Variants in NUCB2 observed in about 807,000 individuals in gnomAD.
The protein encoded by NUCB2 is nucleobindin 2.
Under a neutral mutation model 57.9 loss-of-function variants are expected in NUCB2, and 48 were observed. The ratio of observed to expected loss-of-function variants is 0.83; its 90% CI spans 0.66 to 1.05. NUCB2 has a LOEUF of 1.05. Ranked by LOEUF, NUCB2 falls within the 50% of genes least tolerant of loss-of-function variation. The pLI is 0.00. For missense variants in NUCB2, 442 were observed against 476.2 expected (o/e 0.93, Z 0.67); for synonymous variants, 139 against 152.1 (o/e 0.91, Z 0.64).
intron 7 of NUCB2, 58 bp downstream of exon 7, chr11:17,311,068 G>A (rs1011598540): frequency 1.7e-5 from 25 of 1,458,464 alleles, no homozygotes; most frequent in Middle Eastern, 1.8e-4. Flanking sequence ...TCGTATCAGC[G>A]GATTTTTATT....
At chr11:17,293,298 T>C (rs992524314) in intron 2 of NUCB2, among the ~76,000 whole-genome samples, 2 of 147,984 alleles carry the variant, frequency 1.4e-5, no homozygotes, top group South Asian at 4.3e-4. Context: ...TGTTAGGACA[T>C]ACACACACAC....
intron 1 of NUCB2, among the ~76,000 whole-genome samples, chr11:17,282,256 A>ATTT (rs756983829): frequency 0.014 from 1,550 of 108,128 alleles, 30 homozygotes; most frequent in African/African-American, 0.045. Context: ...ATATATATAT[A>ATTT]TATTTTTTTT....
rs928686916 is a variant in NUCB2 at position 17,295,992 on chromosome 11, G to C, written c.145-112G>C. The C allele has an allele frequency of 5.5e-6, 3 of 541,746 alleles. No individual in the cohort carries two copies. The African/African-American group carries it at 5.8e-5, about 11-fold the overall frequency. The allele number at this position is 541,746 out of a possible 1,614,324, so 33.6% of individuals were successfully genotyped here. ...TTTTCACTTTGTTGAAACTATCAAA[G>C]TAAATATGTCTTAATGCCATTTTGC... On this transcript the variant is annotated intron_variant, in intron 3 of 13. Transcript: ENST00000529010.
At chr11:17,348,689 C>T (rs920915495) in intron 2 of NUCB2, among the ~76,000 whole-genome samples, 5 of 151,782 alleles carry the variant, frequency 3.3e-5, no homozygotes, top group South Asian at 4.2e-4. Context: ...TCGCTGAATT[C>T]GTCACTCCTA....
chr11:17,298,206 C>G (rs1259459702), intron 4 of NUCB2, among the ~76,000 whole-genome samples: 2 of 151,666 alleles, frequency 1.3e-5, no homozygotes, highest in Admixed American at 6.6e-5. Flanking sequence ...ATAGCGAGAC[C>G]CTGTCACTAC....
At chr11:17,339,832 T>C (rs1260805694) in intron 2 of NUCB2, among the ~76,000 whole-genome samples, 2 of 152,170 alleles carry the variant, frequency 1.3e-5, no homozygotes, top group East Asian at 1.9e-4. Context: ...TGTGTCTTTA[T>C]AGCAGCATGT....
chr11:17,304,455 A>G (rs2138710355), intron 5 of NUCB2, among the ~76,000 whole-genome samples: 1 of 152,310 alleles, frequency 6.6e-6, no homozygotes, highest in South Asian at 2.1e-4. Context: ...TGGCCTCCCA[A>G]AATGCTGGGA....
chr11:17,335,996 A>T (rs758207665), downstream of NUCB2, among the ~76,000 whole-genome samples: 26 of 152,224 alleles, frequency 1.7e-4, no homozygotes, highest in Admixed American at 3.9e-4. Flanking sequence ...TTTATAATAT[A>T]CTTAAGTAGA....
chr11:17,327,095 C>T (rs968707828), intron 11 of NUCB2, among the ~76,000 whole-genome samples: 1 of 152,182 alleles, frequency 6.6e-6, no homozygotes, highest in Non-Finnish European at 1.5e-5. Context: ...GAGTCTTGCT[C>T]TGTTACCCAG....
At chr11:17,315,059 A>T (rs1196168876) in intron 10 of NUCB2, among the ~76,000 whole-genome samples, 5 of 152,178 alleles carry the variant, frequency 3.3e-5, no homozygotes, top group Non-Finnish European at 7.3e-5. Flanking sequence ...GGGATTATAC[A>T]TATTATGGTA....
chr11:17,303,611 A>G lies in NUCB2; in HGVS notation c.379+1741A>G, dbSNP rs376136441. On this transcript the variant is annotated intron_variant, in intron 5 of 13. Coordinates refer to ENST00000529010, the MANE Select transcript of NUCB2 (RefSeq NM_005013.4). ...ATATCTTAAAGTTATCTTGCTGGGC[A>G]TGATGGCTCACGCCTGTAATCCCAG... Among the ~76,000 whole-genome samples the G allele has an allele frequency of 3.9e-5, 6 of 152,238 alleles. No homozygotes were observed. The South Asian group carries it at 6.2e-4, about 16-fold the overall frequency.
intron 2 of NUCB2, among the ~76,000 whole-genome samples, chr11:17,347,409 C>T (rs1952830959): frequency 6.6e-6 from 1 of 152,136 alleles, no homozygotes. Flanking sequence ...AAATATTTTC[C>T]TTTCACAAAT....
At chr11:17,313,970 T>G (rs1220691611) in intron 10 of NUCB2, among the ~76,000 whole-genome samples, 3 of 152,182 alleles carry the variant, frequency 2.0e-5, no homozygotes, top group African/African-American at 7.2e-5. Context: ...CTGTCTCCTT[T>G]CTCTGAGTTC....
chr11:17,311,334 A>G, intron 8 of NUCB2, 51 bp downstream of exon 8: 1 of 1,319,140 alleles, frequency 7.6e-7, no homozygotes, highest in Non-Finnish European at 1.1e-6. Flanking sequence ...TTGAAAAAGT[A>G]TTTGCTTTCC....
chr11:17,306,753 C>T (rs1947706863), intron 5 of NUCB2, among the ~76,000 whole-genome samples: 1 of 151,984 alleles, frequency 6.6e-6, no homozygotes. Context: ...CCTGTCTCTA[C>T]TAAAAATACA....
chr11:17,325,637 A>G (rs1283834899), intron 11 of NUCB2, among the ~76,000 whole-genome samples: 5 of 152,004 alleles, frequency 3.3e-5, no homozygotes, highest in African/African-American at 7.2e-5. Context: ...CAGATGCTCT[A>G]TGTCTTGATT....
intron 2 of NUCB2, among the ~76,000 whole-genome samples, chr11:17,340,688 T>C (rs565636014): frequency 6.6e-6 from 1 of 152,354 alleles, no homozygotes; most frequent in Non-Finnish European, 1.5e-5. Context: ...CTGAGGGCTC[T>C]GTTCTTTTCC....
At chr11:17,298,581 A>G (rs1365162946) in intron 4 of NUCB2, among the ~76,000 whole-genome samples, 1 of 152,118 alleles carries the variant, frequency 6.6e-6, no homozygotes, top group Non-Finnish European at 1.5e-5. Flanking sequence ...TAAAAAAGAA[A>G]AAAAAATGAG....
chr11:17,320,529 C>G (rs1591514159), intron 11 of NUCB2, among the ~76,000 whole-genome samples: 1 of 152,030 alleles, frequency 6.6e-6, no homozygotes, highest in African/African-American at 2.4e-5. Context: ...TGGTGGTGCA[C>G]TCCTGTAATC....
Sources: gnomAD v4.1 joint callset for allele counts (sites outside exome capture counted in the v4.1 genomes callset) on GRCh38, gnomAD v4.1.1 for gene constraint, MANE v1.5 for transcripts, NCBI Gene and HGNC (gene_info 2026-07-23, HGNC 2026-07-21) for gene names.